The following COL24A1 variants were observed in gnomAD, a reference collection of about 807,000 sequenced individuals.
The protein encoded by COL24A1 is collagen alpha-1(XXIV) chain.
COL24A1 carries 224 observed loss-of-function variants against 253.9 expected under a neutral mutation model. The observed-to-expected ratio is 0.88, with a 90% CI of 0.79 to 0.99. COL24A1 has a LOEUF of 0.99. Among genes scored for constraint, COL24A1 ranks in the 50% least tolerant of loss-of-function variants. The pLI, the probability that COL24A1 is intolerant of heterozygous loss-of-function variation, is 0.00. For synonymous variants in COL24A1, 685 were observed against 673.7 expected (o/e 1.02, Z -0.26); for missense variants, 2,131 against 2,068.5 (o/e 1.03, Z -0.59).
Position 85,830,895 on chromosome 1 carries a change from C to T in COL24A1, c.3682-7157G>A, listed in dbSNP as rs181488181. On this transcript the variant is annotated intron_variant, in intron 43 of 59. Transcript: ENST00000370571. ...AATCACCTGTCTTCTGCGTTGCTCA[C>T]GCTGGGAGCTGTAGACCGGAGCTGT... is the stretch of plus-strand genomic sequence containing the variant. Among the ~76,000 whole-genome samples the T allele has an allele frequency of 6.4e-4, 98 of 152,258 alleles. 1 individual carries two copies. Among genetic ancestry groups the T allele is most frequent in the South Asian group, 1.9e-3 (9 of 4,822 alleles).
intron 10 of COL24A1, among the ~76,000 whole-genome samples, chr1:86,050,516 T>C (rs1192751975): frequency 1.3e-5 from 2 of 152,064 alleles, no homozygotes; most frequent in African/African-American, 4.8e-5. Context: ...AGAATATAAG[T>C]ATAAGAAGTA....
At chr1:86,132,029 G>A (rs1649310220) in intron 2 of COL24A1, among the ~76,000 whole-genome samples, 1 of 151,994 alleles carries the variant, frequency 6.6e-6, no homozygotes, top group South Asian at 2.1e-4. Flanking sequence ...AGCACTTGTT[G>A]TTTCCTGACT....
chr1:85,802,170 T>C (rs577048310), intron 47 of COL24A1, among the ~76,000 whole-genome samples: 1 of 152,324 alleles, frequency 6.6e-6, no homozygotes, highest in South Asian at 2.1e-4. Flanking sequence ...AGGGAATCCA[T>C]TAAAAATGTA....
chr1:86,064,973 A>G (rs1367564529), intron 7 of COL24A1, among the ~76,000 whole-genome samples: 1 of 152,216 alleles, frequency 6.6e-6, no homozygotes. Flanking sequence ...AAATGTTTAC[A>G]CAAAATTCCA....
At chr1:85,781,336 G>T in intron 51 of COL24A1, 63 bp from the exon 52 acceptor site, 1 of 1,102,062 alleles carries the variant, frequency 9.1e-7, no homozygotes, top group Admixed American at 2.3e-5. Context: ...AAACTCCACA[G>T]AATCTCTTGT....
rs144705195 is a variant in COL24A1 at position 85,823,083 on chromosome 1, C to T, written c.3789+453G>A. ...CATTGCAAAATCCCATTGCAGTGGT[C>T]GCTATACCTATTGTAATAGTCATGA... On this transcript the variant is annotated intron_variant, in intron 45 of 59. Coordinates refer to ENST00000370571, the MANE Select transcript of COL24A1 (RefSeq NM_152890.7). Among the ~76,000 whole-genome samples the T allele has an allele frequency of 2.8e-4, 42 of 152,270 alleles. 1 individual carries two copies. The East Asian group carries it at 6.6e-3, about 24-fold the overall frequency.
At chr1:86,101,284 G>A (rs1360308718) in intron 5 of COL24A1, among the ~76,000 whole-genome samples, 1 of 152,126 alleles carries the variant, frequency 6.6e-6, no homozygotes, top group Non-Finnish European at 1.5e-5. Context: ...GGAGCTTTGG[G>A]TCCAAGACTA....
intron 24 of COL24A1, among the ~76,000 whole-genome samples, chr1:85,951,894 C>T (rs1324228057): frequency 6.6e-6 from 1 of 152,100 alleles, no homozygotes; most frequent in African/African-American, 2.4e-5. Context: ...AAAAAGTTTT[C>T]TACAAAACAC....
chr1:86,136,178 T>C (rs1650223269), intron 2 of COL24A1, among the ~76,000 whole-genome samples: 1 of 152,134 alleles, frequency 6.6e-6, no homozygotes, highest in South Asian at 2.1e-4. Flanking sequence ...TTTTGCATTT[T>C]CTGAGATCTG....
At chr1:86,038,819 G>A (rs937559603) in intron 12 of COL24A1, among the ~76,000 whole-genome samples, 1 of 151,952 alleles carries the variant, frequency 6.6e-6, no homozygotes, top group Admixed American at 6.6e-5. Flanking sequence ...CACCAACTTG[G>A]CCAGCAAGTG....
chr1:85,889,617 G>C lies in COL24A1; in HGVS notation c.2923-4C>G. On this transcript the variant is annotated splice_polypyrimidine_tract_variant and splice_region_variant and intron_variant, in intron 31 of 59. Transcript: ENST00000370571. The stretch of plus-strand genomic sequence containing the variant: ...TTCCAGGCAATCCCTGTAAACCCTG[G>C]ACAAATAAAGGCAATACTTGTAGGA... 1 of 1,612,578 alleles carries C rather than the reference G, an allele frequency of 6.2e-7. No individual in the cohort carries two copies. Among genetic ancestry groups the C allele is most frequent in the South Asian group, 1.1e-5 (1 of 90,988 alleles).
At position 85,980,099 on chromosome 1, in the gene COL24A1, C is replaced by A. The variant is rs549758440; in HGVS notation, c.2364+7502G>T. Among the ~76,000 whole-genome samples the A allele has an allele frequency of 3.3e-5, 5 of 152,212 alleles. No homozygotes were observed. The East Asian group carries it at 7.7e-4, about 24-fold the overall frequency. On this transcript the variant is annotated intron_variant, in intron 20 of 59. Transcript: ENST00000370571. The stretch of plus-strand genomic sequence containing the variant: ...AAAAACAAAAATCATATGATCATTT[C>A]AATAGTTGCAGAAAAAGCATTTGAG...
chr1:86,125,643 A>G lies in COL24A1; in HGVS notation c.693T>C (p.Ser231=). 1 of 1,612,856 alleles carries G rather than the reference A, an allele frequency of 6.2e-7. No individual in the cohort carries two copies. The highest frequency in any genetic ancestry group is 1.1e-5 in the South Asian group (1 of 91,042). The change falls in exon 3 of 60, where the codon TCT becomes TCC. Residue 231 remains serine (S), a synonymous_variant. Transcript: ENST00000370571. ...GTTTCACATATCTGCAGTAGTCTGC[A>G]GATGCTTCTGCAGAAGGAATAATAT... The part of the protein sequence containing the change: ...QLDIIPSAEA[S]ADYCRYVKQQ...
intron 31 of COL24A1, among the ~76,000 whole-genome samples, chr1:85,893,342 G>A (rs1683322664): frequency 1.3e-5 from 2 of 152,000 alleles, no homozygotes; most frequent in South Asian, 4.1e-4. Flanking sequence ...AATTATAAAT[G>A]TGAATAAACT....
chr1:85,820,194 G>A (rs551445354), intron 45 of COL24A1, among the ~76,000 whole-genome samples: 7 of 152,230 alleles, frequency 4.6e-5, no homozygotes, highest in Admixed American at 6.5e-5. Context: ...AATGCTCCCA[G>A]ATAAGTTTGG....
chr1:85,913,059 A>G (rs977706817), intron 24 of COL24A1, among the ~76,000 whole-genome samples: 1 of 152,186 alleles, frequency 6.6e-6, no homozygotes, highest in Non-Finnish European at 1.5e-5. Flanking sequence ...GCCCTGATGT[A>G]TACTTTTAGG....
intron 24 of COL24A1, among the ~76,000 whole-genome samples, chr1:85,947,863 C>A (rs1415439314): frequency 6.6e-6 from 1 of 152,174 alleles, no homozygotes; most frequent in Non-Finnish European, 1.5e-5. Context: ...TTCTCCACCA[C>A]AGAAGTTTTA....
chr1:85,879,182 A>C (rs1213609123), intron 32 of COL24A1, among the ~76,000 whole-genome samples: 1 of 151,298 alleles, frequency 6.6e-6, no homozygotes, highest in Non-Finnish European at 1.5e-5. Flanking sequence ...GATTTTCTCT[A>C]TGTTTATATT....
intron 47 of COL24A1, among the ~76,000 whole-genome samples, chr1:85,794,073 G>A (rs1161679499): frequency 6.6e-6 from 1 of 152,138 alleles, no homozygotes; most frequent in Admixed American, 6.5e-5. Flanking sequence ...GAAAAGTTAA[G>A]TTATAGATGT....
Sources: gnomAD v4.1 joint callset for allele counts (sites outside exome capture counted in the v4.1 genomes callset) on GRCh38, gnomAD v4.1.1 for gene constraint, MANE v1.5 for transcripts, NCBI Gene and HGNC (gene_info 2026-07-23, HGNC 2026-07-21) for gene names.